Variants in OR7G2 observed in about 807,000 individuals in gnomAD.
OR7G2 encodes the protein olfactory receptor family 7 subfamily G member 2.
For synonymous variants in OR7G2, 153 were observed against 152.2 expected (o/e 1.01, Z -0.04); for missense variants, 362 against 384.0 (o/e 0.94, Z 0.48).
intron 1 of OR7G2, among the ~76,000 whole-genome samples, chr19:9,106,651 C>T (rs936941382): frequency 6.7e-6 from 1 of 148,728 alleles, no homozygotes; most frequent in African/African-American, 2.5e-5. Flanking sequence ...ACAGGAGAAT[C>T]GCTTGAACCT....
At chr19:9,106,999 T>TA (rs1391430740) in intron 1 of OR7G2, among the ~76,000 whole-genome samples, 1 of 151,788 alleles carries the variant, frequency 6.6e-6, no homozygotes. Context: ...GCCAGGAGTG[T>TA]AAGACCAGCC....
chr19:9,105,297 T>C (rs1234903671), intron 1 of OR7G2, among the ~76,000 whole-genome samples: 1 of 152,060 alleles, frequency 6.6e-6, no homozygotes, highest in African/African-American at 2.4e-5. Context: ...AACAAATTAT[T>C]ATAAGACACT....
intron 1 of OR7G2, among the ~76,000 whole-genome samples, chr19:9,106,143 C>A (rs931857171): frequency 1.3e-5 from 2 of 152,084 alleles, no homozygotes; most frequent in African/African-American, 4.8e-5. Flanking sequence ...CAAGGCCAGG[C>A]GTGGTGGCTC....
chr19:9,107,017 C>T (rs1041252688), intron 1 of OR7G2, among the ~76,000 whole-genome samples: 7 of 151,164 alleles, frequency 4.6e-5, no homozygotes, highest in African/African-American at 1.7e-4. Context: ...GCCTGGGCAA[C>T]GTAGTGAGAA....
intron 1 of OR7G2, among the ~76,000 whole-genome samples, chr19:9,105,438 T>C (rs1258227020): frequency 6.6e-6 from 1 of 152,176 alleles, no homozygotes; most frequent in Non-Finnish European, 1.5e-5. Flanking sequence ...TGGTTCAACA[T>C]ACAGAAATCA....
chr19:9,102,240 T>C lies in OR7G2; in HGVS notation c.*29A>G, dbSNP rs773357702. 3.2e-6 allele frequency: 5 copies of C among 1,554,994 alleles called. No individual in the cohort carries two copies. The highest frequency in any genetic ancestry group is 3.5e-6 in the Non-Finnish European group (4 of 1,152,048). The stretch of plus-strand genomic sequence containing the variant: ...AAACAAAACAAAGAGTCAGGCATTC[T>C]AGCTCACCAGGAATCCTGTCACTTT... On this transcript the variant is annotated 3_prime_UTR_variant, in exon 2 of 2. Transcript: ENST00000641081.
At chr19:9,105,846 T>TA (rs61227447) in intron 1 of OR7G2, among the ~76,000 whole-genome samples, 21,615 of 137,860 alleles carry the variant, frequency 0.16, 2,175 homozygotes, top group African/African-American at 0.3. Flanking sequence ...CACTCTGTCT[T>TA]AAAAAAAAAA....
In OR7G2 at chr19:9,102,848, G is replaced by A. The variant is rs745465251; in HGVS notation, c.396C>T (p.Tyr132=). Residue 132 remains tyrosine, a synonymous_variant, in exon 2 of 2, where the codon TAC becomes TAT. Transcript: ENST00000641081. ...AGAGGCGGGGGTTCATGATGACTGT[G>A]TATCTAAGGGGGTGACAAATGGCCA... ...RYVAICHPLR[Y]TVIMNPRLCG... is the part of the protein sequence containing the mutation. The A allele has an allele frequency of 6.8e-6, 11 of 1,613,572 alleles. No individual in the cohort carries two copies. Among genetic ancestry groups the A allele is most frequent in the Non-Finnish European group, 8.5e-6 (10 of 1,179,732 alleles).
Position 9,102,594 on chromosome 19 carries a change from G to C in OR7G2, c.650C>G (p.Ser217Cys), listed in dbSNP as rs1328252953. ...AACACAGGAGGTGATCTGAGTGTAA[G>C]ACAAAATGATTCCAGACAGAGGAAC... The part of the protein sequence containing the change: ...GGVPLSGIIL[S>C]YTQITSCVLR... Residue 217 changes from serine to cysteine, a missense_variant, in exon 2 of 2, where the codon TCT (serine) becomes TGT (cysteine). Coordinates refer to ENST00000641081, the MANE Select transcript of OR7G2 (RefSeq NM_001005193.2). 1 of 1,614,050 alleles carries C rather than the reference G, an allele frequency of 6.2e-7. No individual in the cohort carries two copies. Among genetic ancestry groups the C allele is most frequent in the East Asian group, 2.2e-5 (1 of 44,896 alleles).
Position 9,100,602 on chromosome 19 carries a change from A to G in OR7G2, c.*1667T>C, listed in dbSNP as rs1359170542. The G allele has an allele frequency of 6.6e-6, 1 of 152,170 alleles. No homozygotes were observed. The highest frequency in any genetic ancestry group is 1.5e-5 in the Non-Finnish European group (1 of 68,038). The allele number at this position is 152,170 out of a possible 1,614,324, so 9.4% of individuals were successfully genotyped here. On this transcript the variant is annotated 3_prime_UTR_variant, in exon 2 of 2. Coordinates refer to ENST00000641081, the MANE Select transcript of OR7G2 (RefSeq NM_001005193.2). ...TATGAAGTTCAAATATCTCACAATA[A>G]TCTCAAATCACTAAGATAATCTAAT...
At position 9,100,630 on chromosome 19, in the gene OR7G2, T is replaced by C. The variant is rs997443249; in HGVS notation, c.*1639A>G. On this transcript the variant is annotated 3_prime_UTR_variant, in exon 2 of 2. Coordinates refer to ENST00000641081, the MANE Select transcript of OR7G2 (RefSeq NM_001005193.2). ...TCAAATCACTAAGATAATCTAATCA[T>C]GCTAATTTTTTGATGATAAAACTGA... The C allele has an allele frequency of 6.6e-6, 1 of 152,142 alleles. No individual in the cohort carries two copies. Among genetic ancestry groups the C allele is most frequent in the Non-Finnish European group, 1.5e-5 (1 of 68,022 alleles). 9.4% of individuals were successfully genotyped at this position (152,142 alleles called of 1,614,324 possible).
chr19:9,103,442 G>A (rs1304304149), intron 1 of OR7G2, 183 bp from the exon 2 acceptor site: 8 of 544,792 alleles, frequency 1.5e-5, no homozygotes, highest in East Asian at 1.2e-4. Flanking sequence ...TGAATTTTGA[G>A]AAACAGTTCA....
rs576837076 is a variant in OR7G2 at position 9,102,678 on chromosome 19, C to T, written c.566G>A (p.Cys189Tyr). 5.0e-6 allele frequency: 8 copies of T among 1,614,022 alleles called. No homozygotes were observed. In the East Asian group the frequency reaches 1.8e-4, roughly 36 times the overall value. ...GATGTTATTGATGAGGGTGTCTGAACAGGTGAGTTGGATGACCTGAGCCAG... is the reference window on the plus strand; with the variant it reads ...GATGTTATTGATGAGGGTGTCTGAATAGGTGAGTTGGATGACCTGAGCCAG... ...CELAQVIQLT[C>Y]SDTLINNILI... is the part of the protein sequence containing the mutation. The change falls in exon 2 of 2, where the codon TGT becomes TAT. Residue 189 changes from cysteine (C) to tyrosine (Y), a missense_variant. Transcript: ENST00000641081.
intron 1 of OR7G2, among the ~76,000 whole-genome samples, chr19:9,105,929 G>T (rs2050383336): frequency 6.6e-6 from 1 of 151,626 alleles, no homozygotes; most frequent in Non-Finnish European, 1.5e-5. Context: ...GAAAGAGAGA[G>T]AAAAAGAAAA....
chr19:9,106,636 T>C (rs1289843381), intron 1 of OR7G2, among the ~76,000 whole-genome samples: 7 of 144,784 alleles, frequency 4.8e-5, no homozygotes, highest in East Asian at 2.1e-4. Flanking sequence ...TGAAACTCCG[T>C]CTCTACAGGA....
In OR7G2 at chr19:9,101,125, T is replaced by A. The variant is rs2050351573; in HGVS notation, c.*1144A>T. 1 of 151,912 alleles carries A rather than the reference T, an allele frequency of 6.6e-6. No homozygotes were observed. The highest frequency in any genetic ancestry group is 6.6e-5 in the Admixed American group (1 of 15,206). The allele number at this position is 151,912 out of a possible 1,614,324, so 9.4% of individuals were successfully genotyped here. A position where few individuals can be genotyped will look rare whatever the true frequency, so the allele number is the denominator to read the frequency against. On this transcript the variant is annotated 3_prime_UTR_variant, in exon 2 of 2. Coordinates refer to ENST00000641081, the MANE Select transcript of OR7G2 (RefSeq NM_001005193.2). ...TCATGTCATTGCATTCCAGCCTAGG[T>A]GACAAAGCAAGACCCTGTCTATGGA... is the stretch of plus-strand genomic sequence containing the variant.
rs1242168626 is a variant in OR7G2, at chr19:9,103,208, G to T, written c.36C>A (p.Phe12Leu). The change falls in exon 2 of 2, where the codon TTC (phenylalanine) becomes TTA (leucine). Residue 12 changes from phenylalanine (F) to leucine (L), a missense_variant. By Grantham distance (22) the Phe-to-Leu change is conservative (BLOSUM62 0). Transcript: ENST00000641081. ...EARNQTAISK[F>L]LLLGLIEDPE... ...GATCCTCTATCAGTCCCAGGAGAAG[G>T]AATTTTGAAATAGCTGTTTGGTTTC... 1 of 1,613,996 alleles carries T rather than the reference G, an allele frequency of 6.2e-7. No homozygotes were observed. Among genetic ancestry groups the T allele is most frequent in the African/African-American group, 1.3e-5 (1 of 75,026 alleles).
rs150795037 is a variant in OR7G2 at position 9,102,852 on chromosome 19, C to A, written c.392G>T (p.Arg131Ile). 3.1e-6 allele frequency: 5 copies of A among 1,613,586 alleles called. No homozygotes were observed. In the African/African-American group the frequency reaches 4.0e-5, roughly 13 times the overall value. The change falls in exon 2 of 2, where the codon AGA becomes ATA. Residue 131 changes from arginine (R) to isoleucine (I), a missense_variant. Transcript: ENST00000641081. ...DRYVAICHPL[R>I]YTVIMNPRLC... ...GCGGGGGTTCATGATGACTGTGTAT[C>A]TAAGGGGGTGACAAATGGCCACATA... is the stretch of plus-strand genomic sequence containing the variant.
intron 1 of OR7G2, among the ~76,000 whole-genome samples, chr19:9,104,609 CG>C (rs989754383): frequency 6.6e-6 from 1 of 151,890 alleles, no homozygotes; most frequent in Non-Finnish European, 1.5e-5. Flanking sequence ...GGGCAGATCA[CG>C]GGGTCAGGCA....
Sources: gnomAD v4.1 joint callset for allele counts (sites outside exome capture counted in the v4.1 genomes callset) on GRCh38, gnomAD v4.1.1 for gene constraint, MANE v1.5 for transcripts, NCBI Gene and HGNC (gene_info 2026-07-23, HGNC 2026-07-21) for gene names.